The following ASTN2 variants were observed in gnomAD, a reference collection of about 807,000 sequenced individuals.
ASTN2 encodes the protein astrotactin 2, also known as astrotactin-2.
In ASTN2, 54 loss-of-function variants were observed where a neutral mutation model predicts 139.8. The ratio of observed to expected loss-of-function variants is 0.39; its 90% CI spans 0.31 to 0.48. The LOEUF is 0.48. Ranked by LOEUF, ASTN2 falls within the 20% of genes least tolerant of loss-of-function variation. ASTN2 has a pLI of 0.95. For missense variants in ASTN2, 1,565 were observed against 1,725.1 expected (o/e 0.91, Z 1.64); for synonymous variants, 756 against 719.5 (o/e 1.05, Z -0.81).
chr9:117,043,384 C>T (rs975106016), intron 5 of ASTN2, among the ~76,000 whole-genome samples: 8 of 152,132 alleles, frequency 5.3e-5, no homozygotes, highest in Non-Finnish European at 1.2e-4. Context: ...AGGCATATCT[C>T]ATTCCTGGCC....
intron 3 of ASTN2, among the ~76,000 whole-genome samples, chr9:117,152,758 T>C (rs182357901): frequency 4.9e-4 from 75 of 152,296 alleles, no homozygotes; most frequent in African/African-American, 1.7e-3. Context: ...GAAATTTTAC[T>C]TCCTCCAAGT....
intron 19 of ASTN2, chr9:116,540,398 T>C (rs1851827231): frequency 6.6e-6 from 1 of 152,192 alleles, no homozygotes; most frequent in African/African-American, 2.4e-5. Context: ...TTCCCTCTAA[T>C]TATATGTAGA....
At chr9:117,154,639 A>G (rs1183706908) in intron 3 of ASTN2, among the ~76,000 whole-genome samples, 1 of 152,086 alleles carries the variant, frequency 6.6e-6, no homozygotes, top group Non-Finnish European at 1.5e-5. Context: ...TCTGCTTAAC[A>G]CATCCTTAAT....
intron 13 of ASTN2, among the ~76,000 whole-genome samples, chr9:116,785,290 T>A (rs1830341031): frequency 6.6e-6 from 1 of 152,122 alleles, no homozygotes; most frequent in Admixed American, 6.5e-5. Flanking sequence ...CTCTATCTAC[T>A]CCCTAGTGAG....
intron 13 of ASTN2, among the ~76,000 whole-genome samples, chr9:116,802,740 A>G (rs1399149660): frequency 1.3e-5 from 2 of 152,228 alleles, no homozygotes; most frequent in African/African-American, 2.4e-5. Context: ...ACCCCATTTT[A>G]AAGATGAAGC....
intron 5 of ASTN2, among the ~76,000 whole-genome samples, chr9:117,057,752 G>C (rs1839103565): frequency 6.6e-6 from 1 of 152,150 alleles, no homozygotes; most frequent in South Asian, 2.1e-4. Context: ...TTTTCCAGTA[G>C]TCAGCAGCTC....
At chr9:117,148,119 A>G (rs1830244475) in intron 3 of ASTN2, among the ~76,000 whole-genome samples, 1 of 152,186 alleles carries the variant, frequency 6.6e-6, no homozygotes, top group Non-Finnish European at 1.5e-5. Context: ...TCACTGCAGA[A>G]CTGTACTAAG....
intron 17 of ASTN2, among the ~76,000 whole-genome samples, chr9:116,642,331 T>G (rs1857384240): frequency 6.6e-6 from 1 of 152,058 alleles, no homozygotes; most frequent in Non-Finnish European, 1.5e-5. Context: ...ATATACTATA[T>G]TATTTACTGT....
chr9:116,773,790 G>A (rs1830012281), intron 13 of ASTN2, among the ~76,000 whole-genome samples: 1 of 152,092 alleles, frequency 6.6e-6, no homozygotes, highest in South Asian at 2.1e-4. Flanking sequence ...GAAAACCCAG[G>A]ATTGAATCTG....
At chr9:116,474,087 T>A (rs867553279) in intron 20 of ASTN2, among the ~76,000 whole-genome samples, 24 of 152,152 alleles carry the variant, frequency 1.6e-4, no homozygotes, top group African/African-American at 5.5e-4. Flanking sequence ...GAAATAAGCA[T>A]CTTGTACAGC....
At chr9:116,887,073 G>A (rs1833625079) in intron 10 of ASTN2, among the ~76,000 whole-genome samples, 1 of 152,128 alleles carries the variant, frequency 6.6e-6, no homozygotes, top group African/African-American at 2.4e-5. Flanking sequence ...AATTTCTGCT[G>A]TCGATGTTAT....
chr9:116,920,673 G>T (rs111499383), intron 10 of ASTN2, among the ~76,000 whole-genome samples: 1 of 152,338 alleles, frequency 6.6e-6, no homozygotes, highest in African/African-American at 2.4e-5. Flanking sequence ...TTTGTTTACA[G>T]TTGCATCCCA....
intron 4 of ASTN2, among the ~76,000 whole-genome samples, chr9:117,122,672 C>T (rs563478920): frequency 6.6e-6 from 1 of 152,212 alleles, no homozygotes; most frequent in Non-Finnish European, 1.5e-5. Context: ...GGACAATCCT[C>T]CCTTTTGCTT....
chr9:117,184,114 A>G (rs1257305121), intron 3 of ASTN2, among the ~76,000 whole-genome samples: 3 of 152,178 alleles, frequency 2.0e-5, no homozygotes, highest in Non-Finnish European at 4.4e-5. Context: ...CCATCTGCCC[A>G]CATATAAACA....
At chr9:116,975,573 T>C (rs1709003044) in intron 9 of ASTN2, among the ~76,000 whole-genome samples, 1 of 152,218 alleles carries the variant, frequency 6.6e-6, no homozygotes, top group South Asian at 2.1e-4. Context: ...AAGTTCCTTT[T>C]CCTGATTTAC....
At chr9:116,841,400 G>A (rs1339705627) in intron 11 of ASTN2, among the ~76,000 whole-genome samples, 1 of 152,112 alleles carries the variant, frequency 6.6e-6, no homozygotes, top group Admixed American at 6.5e-5. Flanking sequence ...AGAGGAGACT[G>A]ACTCTAATTT....
chr9:116,930,083 T>A (rs139612936), intron 10 of ASTN2, among the ~76,000 whole-genome samples: 2,111 of 152,132 alleles, frequency 0.014, 28 homozygotes, highest in Non-Finnish European at 0.019. Flanking sequence ...TCCCAATTGC[T>A]AAAGCAAATG....
At chr9:117,369,207 T>C (rs1312993481) in intron 1 of ASTN2, among the ~76,000 whole-genome samples, 1 of 152,174 alleles carries the variant, frequency 6.6e-6, no homozygotes, top group African/African-American at 2.4e-5. Flanking sequence ...CCAGTGATCC[T>C]GATTGCTCTT....
chr9:117,110,456 T>C (rs1051652548), intron 4 of ASTN2, among the ~76,000 whole-genome samples: 5 of 152,164 alleles, frequency 3.3e-5, no homozygotes, highest in African/African-American at 1.2e-4. Flanking sequence ...GCTTTGATGA[T>C]GATGATAAAA....
Sources: gnomAD v4.1 joint callset for allele counts (sites outside exome capture counted in the v4.1 genomes callset) on GRCh38, gnomAD v4.1.1 for gene constraint, MANE v1.5 for transcripts, NCBI Gene and HGNC (gene_info 2026-07-23, HGNC 2026-07-21) for gene names.